Variants in AP3B1 observed in about 807,000 individuals in gnomAD.
The protein encoded by AP3B1 is adaptor related protein complex 3 subunit beta 1.
A neutral mutation model predicts 132.5 loss-of-function variants in AP3B1; 61 were observed. The observed-to-expected ratio is 0.46, with a 90% CI of 0.37 to 0.57. The LOEUF is 0.57. Ranked by LOEUF, AP3B1 falls within the 20% of genes least tolerant of loss-of-function variation. AP3B1 has a pLI of 0.00. For synonymous variants in AP3B1, 388 were observed against 438.3 expected (o/e 0.89, Z 1.43); for missense variants, 1,120 against 1,289.4 (o/e 0.87, Z 2.01).
intron 1 of AP3B1, among the ~76,000 whole-genome samples, chr5:78,272,815 T>C (rs1226854928): frequency 1.3e-5 from 2 of 152,074 alleles, no homozygotes; most frequent in Non-Finnish European, 2.9e-5. Context: ...GTCAAATAAC[T>C]CTAAAAGTTT....
chr5:78,101,860 G>A (rs1298875144), intron 20 of AP3B1, among the ~76,000 whole-genome samples: 2 of 151,982 alleles, frequency 1.3e-5, no homozygotes, highest in East Asian at 1.9e-4. Context: ...AGAGTAGGGC[G>A]TTAAATATAA....
intron 22 of AP3B1, among the ~76,000 whole-genome samples, chr5:78,047,166 G>A (rs1212897695): frequency 1.3e-5 from 2 of 152,162 alleles, no homozygotes; most frequent in African/African-American, 4.8e-5. Flanking sequence ...AAACATACGT[G>A]CACATATGTC....
intron 22 of AP3B1, among the ~76,000 whole-genome samples, chr5:78,086,541 G>A (rs1391708845): frequency 6.6e-6 from 1 of 152,166 alleles, no homozygotes; most frequent in Non-Finnish European, 1.5e-5. Flanking sequence ...TCTGAATCAA[G>A]AGCCTGTGGT....
intron 1 of AP3B1, among the ~76,000 whole-genome samples, chr5:78,285,227 C>T (rs1749224578): frequency 6.7e-6 from 1 of 149,334 alleles, no homozygotes; most frequent in African/African-American, 2.5e-5. Context: ...CCAGCCTGGG[C>T]GACAGAGCAA....
In AP3B1 at chr5:78,238,961, C is replaced by A. The variant is rs552113928; in HGVS notation, c.279+1901G>T. Among the ~76,000 whole-genome samples, 180 of 148,918 alleles carry A rather than the reference C, an allele frequency of 1.2e-3. 1 individual carries two copies. The highest frequency in any genetic ancestry group is 4.2e-3 in the African/African-American group (168 of 40,278). ...TAGATATAAACAGACAAGCTGAAAGCAAATGAATAAAAATGATAATAAAAA... is the reference window on the plus strand; with the variant it reads ...TAGATATAAACAGACAAGCTGAAAGAAAATGAATAAAAATGATAATAAAAA... On this transcript the variant is annotated intron_variant, in intron 3 of 26. Coordinates refer to ENST00000255194, the MANE Select transcript of AP3B1 (RefSeq NM_003664.5).
chr5:78,233,635 T>C (rs1309814453), intron 3 of AP3B1, among the ~76,000 whole-genome samples: 1 of 152,246 alleles, frequency 6.6e-6, no homozygotes, highest in Non-Finnish European at 1.5e-5. Flanking sequence ...ACAGCTTTTG[T>C]TCTTCACCTC....
At chr5:78,009,756 T>C (rs1397748179) in intron 26 of AP3B1, among the ~76,000 whole-genome samples, 4 of 124,814 alleles carry the variant, frequency 3.2e-5, no homozygotes, top group African/African-American at 1.2e-4. Context: ...AAAATCCAAA[T>C]TACTAATTAA....
At chr5:78,140,037 C>T (rs1336602237) in intron 15 of AP3B1, among the ~76,000 whole-genome samples, 2 of 152,050 alleles carry the variant, frequency 1.3e-5, no homozygotes, top group East Asian at 3.9e-4. Context: ...TAAAGCTTCC[C>T]AAGAAGCCTA....
At chr5:78,221,505 A>C (rs1457172313) in intron 6 of AP3B1, among the ~76,000 whole-genome samples, 1 of 152,004 alleles carries the variant, frequency 6.6e-6, no homozygotes, top group Non-Finnish European at 1.5e-5. Flanking sequence ...GATTGACAAC[A>C]GGAAAGAAAT....
At chr5:78,130,018 A>G (rs1478979499) in intron 15 of AP3B1, among the ~76,000 whole-genome samples, 1 of 152,232 alleles carries the variant, frequency 6.6e-6, no homozygotes, top group East Asian at 1.9e-4. Context: ...TAAGGGAACA[A>G]CTTATTATAG....
At chr5:78,060,683 T>G (rs1749008787) in intron 22 of AP3B1, among the ~76,000 whole-genome samples, 1 of 152,166 alleles carries the variant, frequency 6.6e-6, no homozygotes, top group South Asian at 2.1e-4. Context: ...ACATCATGAC[T>G]TATTTTTTTA....
chr5:78,050,719 C>T (rs555201682), intron 22 of AP3B1, among the ~76,000 whole-genome samples: 1 of 152,156 alleles, frequency 6.6e-6, no homozygotes, highest in South Asian at 2.1e-4. Context: ...TTTATTAAAA[C>T]TTATATAAAC....
At chr5:78,003,440 A>G in intron 26 of AP3B1, 1 of 748,806 alleles carries the variant, frequency 1.3e-6, no homozygotes, top group South Asian at 6.1e-5. Context: ...TATTTTTAAA[A>G]CATGTTAAGA....
At chr5:78,259,706 G>A (rs561529710) in intron 2 of AP3B1, among the ~76,000 whole-genome samples, 36 of 152,228 alleles carry the variant, frequency 2.4e-4, no homozygotes, top group Middle Eastern at 3.4e-3. Context: ...AGTGGCTCAC[G>A]CCTGTAATCC....
At chr5:78,188,367 A>C (rs1364698425) in intron 7 of AP3B1, among the ~76,000 whole-genome samples, 4 of 152,108 alleles carry the variant, frequency 2.6e-5, no homozygotes, top group Non-Finnish European at 5.9e-5. Flanking sequence ...AACCTACAAG[A>C]AACTTAAGCA....
chr5:78,193,732 G>GTGTGTGTGTGTGTGTATATA (rs1340871803), intron 7 of AP3B1, among the ~76,000 whole-genome samples: 1 of 89,254 alleles, frequency 1.1e-5, no homozygotes, highest in African/African-American at 4.0e-5. Flanking sequence ...TTAAATATTT[G>GTGTGTGTGTGTGTGTATATA]TATATATTTT....
chr5:78,242,763 A>G (rs753198696), intron 2 of AP3B1, among the ~76,000 whole-genome samples: 4 of 152,088 alleles, frequency 2.6e-5, no homozygotes, highest in Non-Finnish European at 5.9e-5. Context: ...GCACTATTTT[A>G]CATTTCTATT....
chr5:78,191,425 T>C (rs895429605), intron 7 of AP3B1, among the ~76,000 whole-genome samples: 2 of 146,140 alleles, frequency 1.4e-5, no homozygotes, highest in Admixed American at 6.8e-5. Context: ...AAAAGCTCAG[T>C]AGAGCTTTCA....
Position 78,170,385 on chromosome 5 carries a change from T to C in AP3B1, c.1168-4713A>G, listed in dbSNP as rs759362695. ...TACAGTCCCACCAACAGTGTAAAAG[T>C]GTTTCTATTTCTCCACATCCTCTCC... On this transcript the variant is annotated intron_variant, in intron 11 of 26. Coordinates refer to ENST00000255194, the MANE Select transcript of AP3B1 (RefSeq NM_003664.5). 1.5e-4 allele frequency among the ~76,000 whole-genome samples: 23 copies of C among 152,130 alleles called. 1 individual carries two copies. Among genetic ancestry groups the C allele is most frequent in the Admixed American group, 1.2e-3 (19 of 15,278 alleles).
Sources: gnomAD v4.1 joint callset for allele counts (sites outside exome capture counted in the v4.1 genomes callset) on GRCh38, gnomAD v4.1.1 for gene constraint, MANE v1.5 for transcripts, NCBI Gene and HGNC (gene_info 2026-07-23, HGNC 2026-07-21) for gene names.